The following NAALADL2 variants were observed in gnomAD, a reference collection of about 807,000 sequenced individuals.
The protein encoded by NAALADL2 is N-acetylated alpha-linked acidic dipeptidase like 2.
A neutral mutation model predicts 87.2 loss-of-function variants in NAALADL2; 76 were observed. That is an observed-to-expected ratio of 0.87 (90% CI 0.72 to 1.05). The LOEUF is 1.05. Ranked by LOEUF, NAALADL2 falls within the 50% of genes least tolerant of loss-of-function variation. NAALADL2 has a pLI of 0.00. For synonymous variants in NAALADL2, 354 were observed against 331.0 expected, an observed-to-expected ratio of 1.07 and a Z score of -0.75; for missense variants, 1,089 against 945.8, an observed-to-expected ratio of 1.15 and a Z score of -1.99.
At chr3:175,125,672 C>T (rs1726843868) in intron 2 of NAALADL2, among the ~76,000 whole-genome samples, 2 of 152,008 alleles carry the variant, frequency 1.3e-5, no homozygotes, top group Admixed American at 6.6e-5. Context: ...TAAGGAGGCA[C>T]CTATTTTGTA....
At chr3:174,737,980 T>C (rs1733378955) in intron 3 of NAALADL2, among the ~76,000 whole-genome samples, 1 of 152,240 alleles carries the variant, frequency 6.6e-6, no homozygotes. Flanking sequence ...TTAATTTCTG[T>C]GTGGCTGTTG....
chr3:174,800,893 T>C (rs1377385794), intron 3 of NAALADL2, among the ~76,000 whole-genome samples: 1 of 152,202 alleles, frequency 6.6e-6, no homozygotes, highest in Non-Finnish European at 1.5e-5. Flanking sequence ...TGCTGGATTA[T>C]GGACTTGCAT....
chr3:174,718,885 C>G lies in NAALADL2; in HGVS notation c.-114-18756C>G, dbSNP rs150599057. ...TTATAATACTTGGATCCAGTGAGAG[C>G]AGTAAGAAGTTATAGGAAAGAAAAT... On this transcript the variant is annotated intron_variant, in intron 2 of 3. Coordinates refer to the NAALADL2 transcript ENST00000434257. Among the ~76,000 whole-genome samples the G allele has an allele frequency of 4.5e-4, 69 of 152,194 alleles. 1 individual carries two copies. Among genetic ancestry groups the G allele is most frequent in the Non-Finnish European group, 9.0e-4 (61 of 68,002 alleles).
intron 3 of NAALADL2, among the ~76,000 whole-genome samples, chr3:174,837,922 C>A (rs535052590): frequency 6.7e-6 from 1 of 150,018 alleles, no homozygotes; most frequent in East Asian, 2.0e-4. Flanking sequence ...CCTGTTGACA[C>A]TATTTGACAA....
chr3:174,571,924 A>G (rs1246986586), intron 2 of NAALADL2, among the ~76,000 whole-genome samples: 1 of 152,188 alleles, frequency 6.6e-6, no homozygotes, highest in Non-Finnish European at 1.5e-5. Flanking sequence ...TGTTTTACCA[A>G]ACCTTCAAAG....
intron 2 of NAALADL2, among the ~76,000 whole-genome samples, chr3:174,562,105 T>A: frequency 6.6e-6 from 1 of 152,174 alleles, no homozygotes; most frequent in Non-Finnish European, 1.5e-5. Flanking sequence ...GCTTAAAATA[T>A]TGTGTGTTGA....
intron 1 of NAALADL2, among the ~76,000 whole-genome samples, chr3:174,886,976 A>G (rs148640720): frequency 9.2e-5 from 14 of 152,252 alleles, no homozygotes; most frequent in African/African-American, 2.4e-4. Context: ...CAACAGACAA[A>G]CGTGGGTACA....
intron 1 of NAALADL2, among the ~76,000 whole-genome samples, chr3:174,442,994 G>A (rs1391325106): frequency 6.6e-6 from 1 of 152,164 alleles, no homozygotes; most frequent in Non-Finnish European, 1.5e-5. Flanking sequence ...TTGTGTAGCT[G>A]AAGTGGAATG....
intron 1 of NAALADL2, among the ~76,000 whole-genome samples, chr3:175,007,474 T>C (rs1407949047): frequency 6.6e-6 from 1 of 152,214 alleles, no homozygotes; most frequent in African/African-American, 2.4e-5. Context: ...TCCTAGTTCA[T>C]TTTTTGTGAG....
intron 2 of NAALADL2, among the ~76,000 whole-genome samples, chr3:175,161,336 T>C (rs999279220): frequency 8.6e-5 from 13 of 151,610 alleles, no homozygotes; most frequent in African/African-American, 3.2e-4. Context: ...AAAAAAAAGA[T>C]TGAAAGATGG....
chr3:175,507,752 T>C (rs181960981), intron 9 of NAALADL2, among the ~76,000 whole-genome samples: 13 of 152,250 alleles, frequency 8.5e-5, no homozygotes, highest in African/African-American at 2.9e-4. Flanking sequence ...TTTATTTTCC[T>C]ACTTCAACCA....
intron 11 of NAALADL2, among the ~76,000 whole-genome samples, chr3:175,670,666 C>G (rs1291065184): frequency 6.7e-6 from 1 of 149,280 alleles, no homozygotes; most frequent in Non-Finnish European, 1.5e-5. Flanking sequence ...TTCAATCCTC[C>G]AAGATATTTA....
intron 1 of NAALADL2, among the ~76,000 whole-genome samples, chr3:174,900,865 A>G (rs1377050387): frequency 6.6e-6 from 1 of 152,128 alleles, no homozygotes; most frequent in East Asian, 1.9e-4. Context: ...AATACATATC[A>G]GTAAGCTTCT....
chr3:175,636,555 C>T (rs375791564), intron 11 of NAALADL2, among the ~76,000 whole-genome samples: 57 of 151,800 alleles, frequency 3.8e-4, no homozygotes, highest in African/African-American at 1.3e-3. Context: ...AAAAAGCAGC[C>T]AGATGTGGTG....
chr3:175,601,302 T>C (rs1343056459), intron 10 of NAALADL2, among the ~76,000 whole-genome samples: 5 of 152,192 alleles, frequency 3.3e-5, no homozygotes, highest in Non-Finnish European at 5.9e-5. Context: ...TATGTGTATG[T>C]TAAAAAATTA....
At position 174,962,371 on chromosome 3, in the gene NAALADL2, C is replaced by CATATAT. The variant is rs140830010; in HGVS notation, c.43+102940_43+102945dup. Among the ~76,000 whole-genome samples the CATATAT allele has an allele frequency of 3.2e-3, 242 of 75,730 alleles. 12 individuals are homozygous for CATATAT. Among genetic ancestry groups the CATATAT allele is most frequent in the South Asian group, 6.3e-3 (18 of 2,856 alleles). 49.7% of individuals were successfully genotyped at this position (75,730 alleles called of 152,430 possible). On this transcript the variant is annotated intron_variant, in intron 1 of 13. Coordinates refer to ENST00000454872, the MANE Select transcript of NAALADL2 (RefSeq NM_207015.3). ...GCATTCATTGTCATAGTGACTATGA[C>CATATAT]ATATATATATATATATATATATATG...
At position 175,810,105 on chromosome 3, in the gene NAALADL2, T is replaced by C. The variant is rs1755057494; in HGVS notation, c.*6902T>C. The C allele has an allele frequency of 2.0e-5, 3 of 151,958 alleles. No homozygotes were observed. Among genetic ancestry groups the C allele is most frequent in the South Asian group, 2.1e-4 (1 of 4,826 alleles). The allele number at this position is 151,958 out of a possible 1,614,324, so 9.4% of individuals were successfully genotyped here. On this transcript the variant is annotated 3_prime_UTR_variant, in exon 14 of 14. Transcript: ENST00000454872. ...AGAGATTTCATTGTCATTGTCGTTGTTGTTAACTGATTTTTAATGATATTG... is the reference window on the plus strand; with the variant it reads ...AGAGATTTCATTGTCATTGTCGTTGCTGTTAACTGATTTTTAATGATATTG...
chr3:175,505,266 GA>G (rs11295985), intron 9 of NAALADL2, among the ~76,000 whole-genome samples: 41,355 of 130,142 alleles, frequency 0.32, 7,602 homozygotes, highest in African/African-American at 0.55. Context: ...CCTGTCTCGA[GA>G]AAAAAAAAAA....
At chr3:174,572,951 C>CAG (rs1275616258) in intron 2 of NAALADL2, among the ~76,000 whole-genome samples, 1 of 152,026 alleles carries the variant, frequency 6.6e-6, no homozygotes, top group East Asian at 1.9e-4. Flanking sequence ...ATAAGAGACC[C>CAG]AGAGAAGTTA....
Sources: allele counts gnomAD v4.1 joint callset (sites outside exome capture counted in the v4.1 genomes callset), GRCh38; gene constraint gnomAD v4.1.1; transcripts MANE v1.5; gene names NCBI Gene and HGNC (gene_info 2026-07-23, HGNC 2026-07-21).